Variants in DAAM1 observed in about 807,000 individuals in gnomAD.
The protein encoded by DAAM1 is disheveled-associated activator of morphogenesis 1.
DAAM1 carries 52 observed loss-of-function variants against 130.0 expected under a neutral mutation model. The ratio of observed to expected loss-of-function variants is 0.40; its 90% CI spans 0.32 to 0.50. The LOEUF is 0.50. Ranked by LOEUF, DAAM1 falls within the 20% of genes least tolerant of loss-of-function variation. DAAM1 has a pLI of 0.61. For missense variants in DAAM1, 1,134 were observed against 1,303.8 expected (o/e 0.87, Z 2.01); for synonymous variants, 452 against 444.5 (o/e 1.02, Z -0.21).
chr14:59,356,235 T>G (rs1886475698), intron 20 of DAAM1, among the ~76,000 whole-genome samples: 2 of 152,228 alleles, frequency 1.3e-5, no homozygotes, highest in Admixed American at 1.3e-4. Context: ...TAATAGGGGC[T>G]TTTACCCTAT....
chr14:59,262,435 G>T (rs1388434069), intron 1 of DAAM1, among the ~76,000 whole-genome samples: 2 of 152,092 alleles, frequency 1.3e-5, no homozygotes, highest in Admixed American at 6.5e-5. Context: ...ACATGTTTTT[G>T]TGGTGAAAAT....
intron 5 of DAAM1, among the ~76,000 whole-genome samples, chr14:59,320,787 A>G (rs529181880): frequency 6.6e-6 from 1 of 151,542 alleles, no homozygotes; most frequent in East Asian, 1.9e-4. Context: ...AAAACAAAAC[A>G]GAGAGAGACT....
intron 9 of DAAM1, 85 bp from the exon 10 acceptor site, chr14:59,325,875 G>C: frequency 2.0e-6 from 3 of 1,522,500 alleles, no homozygotes; most frequent in Non-Finnish European, 2.7e-6. Flanking sequence ...GGCAGGATTA[G>C]CTTCTGTTTG....
At position 59,229,278 on chromosome 14, in the gene DAAM1, G is replaced by A. The variant is rs146631912; in HGVS notation, c.-37-34163G>A. On this transcript the variant is annotated intron_variant, in intron 1 of 24. Coordinates refer to ENST00000360909, the MANE Select transcript of DAAM1 (RefSeq NM_001270520.2). ...AGAGGAGATCTTCCTTGAGACCAGTGTGTCATTTGGCTTTTGATTTTTGTG... is the reference window on the plus strand; with the variant it reads ...AGAGGAGATCTTCCTTGAGACCAGTATGTCATTTGGCTTTTGATTTTTGTG... 5.3e-5 allele frequency among the ~76,000 whole-genome samples: 8 copies of A among 152,308 alleles called. No homozygotes were observed. The East Asian group carries it at 1.5e-3, about 29-fold the overall frequency.
At chr14:59,320,015 T>C (rs905526092) in intron 4 of DAAM1, among the ~76,000 whole-genome samples, 1 of 152,182 alleles carries the variant, frequency 6.6e-6, no homozygotes, top group African/African-American at 2.4e-5. Flanking sequence ...TCTGAAGGAA[T>C]TGTCTATCCT....
chr14:59,207,063 T>G (rs1299750158), intron 1 of DAAM1, among the ~76,000 whole-genome samples: 2 of 152,220 alleles, frequency 1.3e-5, no homozygotes, highest in Non-Finnish European at 2.9e-5. Context: ...AATTCATTAA[T>G]TAATGAGGGA....
At chr14:59,190,350 C>T (rs909091023) in intron 1 of DAAM1, among the ~76,000 whole-genome samples, 5 of 152,134 alleles carry the variant, frequency 3.3e-5, no homozygotes, top group African/African-American at 1.2e-4. Flanking sequence ...ATCTCTTCCC[C>T]CTTTCGGGCT....
chr14:59,206,600 A>G (rs1426402914), intron 1 of DAAM1, among the ~76,000 whole-genome samples: 4 of 152,228 alleles, frequency 2.6e-5, no homozygotes, highest in Non-Finnish European at 5.9e-5. Flanking sequence ...AAAATAAGAT[A>G]TACTTATCCC....
At chr14:59,326,152 A>G in intron 10 of DAAM1, 75 bp downstream of exon 10, 1 of 1,376,616 alleles carries the variant, frequency 7.3e-7, no homozygotes, top group Non-Finnish European at 1.0e-6. Context: ...GCTCCTGCAC[A>G]GTGCTGATTA....
intron 1 of DAAM1, among the ~76,000 whole-genome samples, chr14:59,258,926 A>G (rs72726351): frequency 0.14 from 21,250 of 152,200 alleles, 1,887 homozygotes; most frequent in East Asian, 0.32. Context: ...TCTTAAGTAT[A>G]GTAGACTCTG....
chr14:59,206,555 G>A (rs975796305), intron 1 of DAAM1, among the ~76,000 whole-genome samples: 1 of 152,186 alleles, frequency 6.6e-6, no homozygotes, highest in African/African-American at 2.4e-5. Flanking sequence ...GATTACTGGC[G>A]TAAGCCACTG....
At chr14:59,243,041 C>T (rs553494817) in intron 1 of DAAM1, among the ~76,000 whole-genome samples, 1 of 152,204 alleles carries the variant, frequency 6.6e-6, no homozygotes, top group South Asian at 2.1e-4. Context: ...TCTGAGGACA[C>T]CGCAGCTCAG....
Position 59,315,370 on chromosome 14 carries a change from TC to T in DAAM1, c.345+20del, listed in dbSNP as rs1230140730. ...GGCTGCTGTAAGTAGACTTTTATGT[TC>T]TTTGACACACTGTTTAAAATGCAAG... On this transcript the variant is annotated intron_variant, in intron 4 of 24. Coordinates refer to ENST00000360909, the MANE Select transcript of DAAM1 (RefSeq NM_001270520.2). 2 of 1,609,960 alleles carry T rather than the reference TC, an allele frequency of 1.2e-6. No homozygotes were observed. Among genetic ancestry groups the T allele is most frequent in the Admixed American group, 1.7e-5 (1 of 59,958 alleles).
chr14:59,254,954 T>G (rs572452167), intron 1 of DAAM1, among the ~76,000 whole-genome samples: 2 of 152,296 alleles, frequency 1.3e-5, no homozygotes, highest in East Asian at 3.9e-4. Context: ...ATGCATGGAC[T>G]TCACCTGGGT....
chr14:59,326,582 A>G lies in DAAM1; in HGVS notation c.1247A>G (p.Asn416Ser), dbSNP rs1311917758. 1 of 1,614,068 alleles carries G rather than the reference A, an allele frequency of 6.2e-7. No homozygotes were observed. Residue 416 changes from asparagine (N) to serine (S), a missense_variant, in exon 11 of 25, where the codon AAT (asparagine) becomes AGT (serine). By Grantham distance (46) the Asn-to-Ser change is conservative. Coordinates refer to ENST00000360909, the MANE Select transcript of DAAM1 (RefSeq NM_001270520.2). ...ATTATACAGCAGATAGTTATCCAGA[A>G]TGACAAAGGACAGGACCCTGACTCC... ...DRIIQQIVIQ[N>S]DKGQDPDSTP...
At chr14:59,216,678 C>T (rs1247590223) in intron 1 of DAAM1, among the ~76,000 whole-genome samples, 3 of 151,896 alleles carry the variant, frequency 2.0e-5, no homozygotes, top group African/African-American at 7.3e-5. Context: ...TGATATTGCA[C>T]CACTACACTC....
chr14:59,198,460 A>G (rs925838014), intron 1 of DAAM1, among the ~76,000 whole-genome samples: 1 of 151,420 alleles, frequency 6.6e-6, no homozygotes, highest in African/African-American at 2.4e-5. Context: ...TGAACTCCTG[A>G]CCTCATGATC....
At chr14:59,220,389 C>T (rs944436991) in intron 1 of DAAM1, among the ~76,000 whole-genome samples, 6 of 152,220 alleles carry the variant, frequency 3.9e-5, no homozygotes, top group South Asian at 2.1e-4. Flanking sequence ...TTTTTGCCAA[C>T]ATTTAAGGGA....
At chr14:59,348,649 G>A (rs1336281853) in intron 17 of DAAM1, among the ~76,000 whole-genome samples, 1 of 152,186 alleles carries the variant, frequency 6.6e-6, no homozygotes, top group Non-Finnish European at 1.5e-5. Context: ...TGCATCTGTA[G>A]GTGTGCCCTG....
Sources: gnomAD v4.1 joint callset for allele counts (sites outside exome capture counted in the v4.1 genomes callset) on GRCh38, gnomAD v4.1.1 for gene constraint, MANE v1.5 for transcripts, NCBI Gene and HGNC (gene_info 2026-07-23, HGNC 2026-07-21) for gene names.